CADM2: variants seen among roughly 807,000 people sequenced by gnomAD.
CADM2 encodes the protein cell adhesion molecule 2, also known as immunoglobulin superfamily member 4D.
A neutral mutation model predicts 49.8 loss-of-function variants in CADM2; 12 were observed. The observed-to-expected ratio is 0.24, with a 90% CI of 0.15 to 0.39. The LOEUF (loss-of-function observed/expected upper bound fraction) is 0.39, where lower values mean the gene tolerates loss of function less well. CADM2 is among the 10% of genes least tolerant of loss of function. The probability of loss-of-function intolerance (pLI) is 1.00; values close to 1 mark genes in which losing one functional copy is unlikely to be tolerated. For missense variants in CADM2, 378 were observed against 492.3 expected (o/e 0.77, Z 2.20); for synonymous variants, 214 against 175.4 (o/e 1.22, Z -1.74).
chr3:85,120,161 G>A (rs1479710982), intron 1 of CADM2, among the ~76,000 whole-genome samples: 1 of 152,180 alleles, frequency 6.6e-6, no homozygotes, highest in Admixed American at 6.5e-5. Flanking sequence ...AGTTAGAATG[G>A]CAATCATTAA....
chr3:85,842,662 C>A (rs1277691198), intron 3 of CADM2, among the ~76,000 whole-genome samples: 8 of 152,126 alleles, frequency 5.3e-5, no homozygotes, highest in Admixed American at 3.9e-4. Context: ...TCCTTCTCTG[C>A]AGATCTCATC....
chr3:85,493,091 C>T (rs1005787302), intron 1 of CADM2, among the ~76,000 whole-genome samples: 1 of 151,988 alleles, frequency 6.6e-6, no homozygotes, highest in African/African-American at 2.4e-5. Flanking sequence ...GTTTCTTCTG[C>T]TTTTTAAATT....
intron 3 of CADM2, among the ~76,000 whole-genome samples, chr3:85,836,417 A>G (rs1356971714): frequency 6.6e-6 from 1 of 151,712 alleles, no homozygotes; most frequent in East Asian, 1.9e-4. Context: ...AATAATTAAA[A>G]TTTTTTAGAA....
chr3:85,441,720 G>A (rs1032700978), intron 1 of CADM2, among the ~76,000 whole-genome samples: 7 of 151,772 alleles, frequency 4.6e-5, no homozygotes, highest in Non-Finnish European at 1.0e-4. Context: ...AAGACACAGT[G>A]GTGGCAAAAA....
intron 1 of CADM2, among the ~76,000 whole-genome samples, chr3:85,335,408 C>A (rs1216144750): frequency 1.3e-5 from 2 of 151,442 alleles, no homozygotes; most frequent in East Asian, 3.9e-4. Flanking sequence ...TGTCAAGGGT[C>A]AGATTCTTCT....
intron 1 of CADM2, among the ~76,000 whole-genome samples, chr3:85,678,519 C>G (rs1410598192): frequency 1.3e-5 from 2 of 152,158 alleles, no homozygotes; most frequent in African/African-American, 4.8e-5. Flanking sequence ...CATACGATGT[C>G]AGATTGATCT....
chr3:85,423,651 A>G (rs906789536), intron 1 of CADM2, among the ~76,000 whole-genome samples: 35 of 152,176 alleles, frequency 2.3e-4, no homozygotes, highest in Non-Finnish European at 4.9e-4. Context: ...TCAATTAGCA[A>G]CTTCCTTTTT....
chr3:85,897,786 G>A (rs1339877621), intron 5 of CADM2, among the ~76,000 whole-genome samples: 1 of 152,068 alleles, frequency 6.6e-6, no homozygotes, highest in Non-Finnish European at 1.5e-5. Context: ...ATTTGAATGA[G>A]TAAAATATTA....
Position 85,301,399 on chromosome 3 carries a change from A to T in CADM2, c.61+341731A>T, listed in dbSNP as rs1174422100. Reference sequence around the variant, plus strand: ...AAGGGAGAGGAGAGGGAGGGAGAGGATGAGATTATAAATAGAAAGTTTTCA... The same window carrying T: ...AAGGGAGAGGAGAGGGAGGGAGAGGTTGAGATTATAAATAGAAAGTTTTCA... On this transcript the variant is annotated intron_variant, in intron 1 of 9. Coordinates refer to ENST00000383699, the MANE Select transcript of CADM2 (RefSeq NM_001167675.2). Among the ~76,000 whole-genome samples, 4 of 152,158 alleles carry T rather than the reference A, an allele frequency of 2.6e-5. No homozygotes were observed. The East Asian group carries it at 7.7e-4, about 29-fold the overall frequency.
chr3:86,012,549 G>A (rs1055191350), intron 8 of CADM2: 2 of 1,466,680 alleles, frequency 1.4e-6, no homozygotes, highest in East Asian at 2.7e-5. Flanking sequence ...GCCAGCCAGC[G>A]GGCGGGCGAA....
intron 1 of CADM2, among the ~76,000 whole-genome samples, chr3:85,447,538 T>C (rs2037526289): frequency 1.3e-5 from 2 of 152,172 alleles, no homozygotes; most frequent in South Asian, 4.1e-4. Context: ...AAAGCAATGG[T>C]TACCCTTCAC....
chr3:85,562,920 G>C (rs1035316217), intron 1 of CADM2, among the ~76,000 whole-genome samples: 11 of 152,122 alleles, frequency 7.2e-5, no homozygotes, highest in African/African-American at 2.2e-4. Context: ...TTCCAGGAAA[G>C]TTATTGTACA....
intron 3 of CADM2, among the ~76,000 whole-genome samples, chr3:85,874,404 G>A (rs1035396730): frequency 1.3e-5 from 2 of 152,106 alleles, no homozygotes; most frequent in African/African-American, 4.8e-5. Context: ...AGATGTTTTT[G>A]ATTCCCAATC....
At chr3:85,049,306 C>G (rs2035786282) in intron 1 of CADM2, among the ~76,000 whole-genome samples, 1 of 150,170 alleles carries the variant, frequency 6.7e-6, no homozygotes, top group Non-Finnish European at 1.5e-5. Context: ...GATAATTAAA[C>G]CTACATTTGT....
intron 1 of CADM2, among the ~76,000 whole-genome samples, chr3:85,079,562 T>A (rs1248340012): frequency 2.0e-5 from 3 of 151,776 alleles, no homozygotes; most frequent in African/African-American, 7.2e-5. Context: ...AACAGAAACA[T>A]AGTGTTAGGA....
intron 1 of CADM2, among the ~76,000 whole-genome samples, chr3:85,037,438 G>A (rs1245810841): frequency 6.6e-6 from 1 of 152,116 alleles, no homozygotes; most frequent in Non-Finnish European, 1.5e-5. Flanking sequence ...CAAGCTCTAG[G>A]CCTAGATTAG....
At chr3:85,167,574 G>A (rs2040503887) in intron 1 of CADM2, among the ~76,000 whole-genome samples, 1 of 152,064 alleles carries the variant, frequency 6.6e-6, no homozygotes, top group Non-Finnish European at 1.5e-5. Context: ...AAACTAGGAG[G>A]TGTGAAGAAC....
intron 1 of CADM2, among the ~76,000 whole-genome samples, chr3:85,664,416 A>G (rs2065501659): frequency 6.6e-6 from 1 of 151,946 alleles, no homozygotes; most frequent in African/African-American, 2.4e-5. Context: ...TAGCAATTCC[A>G]TCCTTTTAGT....
chr3:85,968,149 G>T (rs1378438065), intron 8 of CADM2, among the ~76,000 whole-genome samples: 1 of 151,522 alleles, frequency 6.6e-6, no homozygotes, highest in Non-Finnish European at 1.5e-5. Context: ...GTAACTAGTT[G>T]GATGATTCTT....
Sources: gnomAD v4.1 joint callset for allele counts (sites outside exome capture counted in the v4.1 genomes callset) on GRCh38, gnomAD v4.1.1 for gene constraint, MANE v1.5 for transcripts, NCBI Gene and HGNC (gene_info 2026-07-23, HGNC 2026-07-21) for gene names.